Variants in CPT1A observed in about 807,000 individuals in gnomAD.
The protein encoded by CPT1A is carnitine O-palmitoyltransferase 1, liver isoform.
In CPT1A, 64 loss-of-function variants were observed where a neutral mutation model predicts 100.8. The observed-to-expected ratio is 0.63, with a 90% CI of 0.52 to 0.78. CPT1A has a LOEUF of 0.78. Among genes scored for constraint, CPT1A ranks in the 30% least tolerant of loss-of-function variants. The pLI is 0.00. For missense variants in CPT1A, 802 were observed against 1,034.1 expected (o/e 0.78, Z 3.08); for synonymous variants, 363 against 396.0 (o/e 0.92, Z 0.99).
At chr11:68,828,705 G>A (rs1459771847) in intron 1 of CPT1A, among the ~76,000 whole-genome samples, 5 of 151,052 alleles carry the variant, frequency 3.3e-5, no homozygotes, top group Admixed American at 2.7e-4. Context: ...GTAGTGAGGA[G>A]GGTGGCAGGG....
intron 9 of CPT1A, among the ~76,000 whole-genome samples, chr11:68,786,293 A>G (rs941156302): frequency 6.6e-6 from 1 of 152,162 alleles, no homozygotes; most frequent in African/African-American, 2.4e-5. Flanking sequence ...CCTGGGGAGC[A>G]GAGGCTGCAG....
intron 11 of CPT1A, among the ~76,000 whole-genome samples, chr11:68,781,159 C>A (rs1167509841): frequency 6.6e-6 from 1 of 152,200 alleles, no homozygotes; most frequent in African/African-American, 2.4e-5. Context: ...CCTGGCCTAA[C>A]CCTGTGCCTA....
At chr11:68,816,848 CGTGTGTGGT>C (rs1422864456) in intron 1 of CPT1A, among the ~76,000 whole-genome samples, 58 of 93,030 alleles carry the variant, frequency 6.2e-4, no homozygotes, top group Admixed American at 1.5e-3. Context: ...GTGGTGTGTG[CGTGTGTGGT>C]GTGTGTGTGT....
At position 68,775,334 on chromosome 11, in the gene CPT1A, C is replaced by T. The variant is rs149983153; in HGVS notation, c.1557G>A (p.Gln519=). 6.3e-5 allele frequency: 101 copies of T among 1,614,000 alleles called. No individual in the cohort carries two copies. In the African/African-American group the frequency reaches 1.3e-3, roughly 20 times the overall value. Residue 519 remains glutamine, a synonymous_variant, in exon 13 of 19, where the codon CAG becomes CAA. Coordinates refer to ENST00000265641, the MANE Select transcript of CPT1A (RefSeq NM_001876.4). ...NPNIPYPTRL[Q]WDIPGECQEV... ...GACTTACTTCCCCCGGGATGTCCCA[C>T]TGCAGCCTGGTGGGGTACGGAATGT...
intron 1 of CPT1A, among the ~76,000 whole-genome samples, chr11:68,817,263 G>A (rs1024346152): frequency 6.6e-6 from 1 of 152,038 alleles, no homozygotes; most frequent in African/African-American, 2.4e-5. Context: ...ATCAAAATCA[G>A]TGGCTATCAC....
chr11:68,812,703 G>C, intron 2 of CPT1A, 127 bp from the exon 3 acceptor site: 2 of 1,081,270 alleles, frequency 1.8e-6, no homozygotes, highest in South Asian at 1.3e-5. Flanking sequence ...GACAGCGTGC[G>C]TGCACTGAGA....
chr11:68,765,647 C>T (rs1399359758), intron 14 of CPT1A, among the ~76,000 whole-genome samples: 1 of 152,216 alleles, frequency 6.6e-6, no homozygotes, highest in East Asian at 1.9e-4. Context: ...ATTAATACCA[C>T]TGTCTAGTGT....
rs140242805 is a variant in CPT1A, at chr11:68,816,915, G to T, written c.-13-1428C>A. On this transcript the variant is annotated intron_variant, in intron 1 of 18. Coordinates refer to ENST00000265641, the MANE Select transcript of CPT1A (RefSeq NM_001876.4). ...TGTGGTGTGTGTGGGTGTGTGTGTGGTGTGTGTGTGGGTGTGTGTGTGGGG... is the reference window on the plus strand; with the variant it reads ...TGTGGTGTGTGTGGGTGTGTGTGTGTTGTGTGTGTGGGTGTGTGTGTGGGG... Among the ~76,000 whole-genome samples the T allele has an allele frequency of 5.9e-4, 6 of 10,138 alleles. No individual in the cohort carries two copies. In the East Asian group the frequency reaches 0.016, roughly 27 times the overall value. 6.7% of individuals were successfully genotyped at this position (10,138 alleles called of 152,430 possible). A position where few individuals can be genotyped will look rare whatever the true frequency, so the allele number is the denominator to read the frequency against.
intron 1 of CPT1A, chr11:68,839,692 G>T (rs1289190758): frequency 4.1e-6 from 4 of 985,398 alleles, no homozygotes. Flanking sequence ...TCTAAAAGGG[G>T]CTCACTGTGA....
intron 11 of CPT1A, 147 bp from the exon 12 acceptor site, chr11:68,780,892 G>A (rs1182040856): frequency 8.6e-6 from 6 of 700,278 alleles, no homozygotes; most frequent in South Asian, 1.5e-5. Context: ...TCTGTGGAGT[G>A]AGGGTGAAAG....
At chr11:68,784,138 T>C (rs1030406055) in intron 10 of CPT1A, among the ~76,000 whole-genome samples, 2 of 152,214 alleles carry the variant, frequency 1.3e-5, no homozygotes, top group Non-Finnish European at 2.9e-5. Context: ...AATGGAATTA[T>C]AGGCGTGAGC....
chr11:68,820,930 C>T (rs2154001842), intron 1 of CPT1A, among the ~76,000 whole-genome samples: 1 of 152,236 alleles, frequency 6.6e-6, no homozygotes, highest in South Asian at 2.1e-4. Context: ...CTTACCAAAA[C>T]CCATGAATGT....
chr11:68,781,101 A>G (rs1244107887), intron 11 of CPT1A, among the ~76,000 whole-genome samples: 1 of 152,170 alleles, frequency 6.6e-6, no homozygotes, highest in Non-Finnish European at 1.5e-5. Flanking sequence ...GCTGGCCAAC[A>G]CTTTACAGAT....
intron 14 of CPT1A, among the ~76,000 whole-genome samples, chr11:68,769,403 A>AT (rs528320899): frequency 0.043 from 5,693 of 133,268 alleles, 137 homozygotes; most frequent in African/African-American, 0.062. Context: ...TGCTGGGCTA[A>AT]TTTTTTTTTT....
At chr11:68,796,728 G>C (rs1282937820) in intron 7 of CPT1A, 128 bp downstream of exon 7, 4 of 874,338 alleles carry the variant, frequency 4.6e-6, no homozygotes, top group Non-Finnish European at 7.4e-6. Flanking sequence ...AAGCAGGACA[G>C]AGAGGAGCAT....
At chr11:68,800,810 A>C (rs868054893) in intron 5 of CPT1A, among the ~76,000 whole-genome samples, 111 of 151,390 alleles carry the variant, frequency 7.3e-4, no homozygotes, top group African/African-American at 2.6e-3. Flanking sequence ...GTAAGACCCC[A>C]CTCCCTTAAA....
intron 1 of CPT1A, among the ~76,000 whole-genome samples, chr11:68,831,172 C>T (rs1856866314): frequency 1.3e-5 from 2 of 152,206 alleles, no homozygotes; most frequent in Admixed American, 6.5e-5. Flanking sequence ...CAAAACCTTT[C>T]ACCTCTTTCG....
intron 3 of CPT1A, among the ~76,000 whole-genome samples, chr11:68,807,880 G>A (rs1219041795): frequency 3.9e-5 from 6 of 152,248 alleles, no homozygotes; most frequent in Admixed American, 3.9e-4. Context: ...CGCCCGGGGC[G>A]GGCCTGTTTG....
At chr11:68,816,766 G>A (rs1175454855) in intron 1 of CPT1A, among the ~76,000 whole-genome samples, 2 of 10,688 alleles carry the variant, frequency 1.9e-4, no homozygotes, top group African/African-American at 2.8e-4. Context: ...GTGTGTGTGT[G>A]TGTGTGTGTG....
Sources: allele counts gnomAD v4.1 joint callset (sites outside exome capture counted in the v4.1 genomes callset), GRCh38; gene constraint gnomAD v4.1.1; transcripts MANE v1.5; gene names NCBI Gene and HGNC (gene_info 2026-07-23, HGNC 2026-07-21).